AOAH: variants seen among roughly 807,000 people sequenced by gnomAD.
AOAH encodes acyloxyacyl hydrolase.
In AOAH, 64 loss-of-function variants were observed where a neutral mutation model predicts 92.2. The observed-to-expected ratio is 0.69, with a 90% CI of 0.57 to 0.86. The LOEUF is 0.86. Ranked by LOEUF, AOAH falls within the 40% of genes least tolerant of loss-of-function variation. AOAH has a pLI of 0.00. For missense variants in AOAH, 656 were observed against 694.6 expected (o/e 0.94, Z 0.62); for synonymous variants, 263 against 254.5 (o/e 1.03, Z -0.32).
chr7:36,639,466 G>A (rs914382291), intron 4 of AOAH, among the ~76,000 whole-genome samples: 1 of 152,132 alleles, frequency 6.6e-6, no homozygotes, highest in Non-Finnish European at 1.5e-5. Context: ...AGTCCTTGAG[G>A]CATAGTAGGT....
At chr7:36,621,329 G>A (rs1232586667) in intron 8 of AOAH, among the ~76,000 whole-genome samples, 1 of 152,192 alleles carries the variant, frequency 6.6e-6, no homozygotes. Flanking sequence ...ACTCCCGGAG[G>A]GAGAGGCCAC....
At position 36,569,523 on chromosome 7, in the gene AOAH, T is replaced by A. The variant is rs187578060; in HGVS notation, c.1021+7051A>T. Among the ~76,000 whole-genome samples the A allele has an allele frequency of 4.1e-3, 621 of 150,922 alleles. 5 individuals are homozygous for A. Among genetic ancestry groups the A allele is most frequent in the African/African-American group, 0.015 (593 of 40,732 alleles). On this transcript the variant is annotated intron_variant, in intron 13 of 20. Transcript: ENST00000617537. ...TATCTATCTATCTATCTGTCTATCT[T>A]TCTACCAGATTTACATATATATATA...
At chr7:36,653,410 C>A (rs1794699072) in intron 4 of AOAH, among the ~76,000 whole-genome samples, 1 of 152,092 alleles carries the variant, frequency 6.6e-6, no homozygotes, top group Non-Finnish European at 1.5e-5. Flanking sequence ...ATTGCTTAGG[C>A]GAAACATAAT....
At chr7:36,550,445 C>G (rs947706163) in intron 13 of AOAH, among the ~76,000 whole-genome samples, 2 of 152,048 alleles carry the variant, frequency 1.3e-5, no homozygotes, top group Non-Finnish European at 2.9e-5. Context: ...AGCTGTGGTA[C>G]AATTGTGTGA....
At chr7:36,709,773 T>C (rs1227975804) in intron 1 of AOAH, among the ~76,000 whole-genome samples, 2 of 152,294 alleles carry the variant, frequency 1.3e-5, no homozygotes, top group African/African-American at 4.8e-5. Flanking sequence ...AGGTATGACA[T>C]TGGAGTGATT....
chr7:36,622,579 G>T (rs984273635), intron 7 of AOAH, among the ~76,000 whole-genome samples: 1 of 149,868 alleles, frequency 6.7e-6, no homozygotes, highest in Non-Finnish European at 1.5e-5. Context: ...ACACACACAC[G>T]TTAAAAAGTA....
At chr7:36,561,356 A>T (rs115085386) in intron 13 of AOAH, among the ~76,000 whole-genome samples, 1,775 of 152,136 alleles carry the variant, frequency 0.012, 20 homozygotes, top group Middle Eastern at 0.041. Context: ...ATTTTAAGAG[A>T]TTAGTGAAAA....
intron 1 of AOAH, among the ~76,000 whole-genome samples, chr7:36,705,007 G>A (rs1798299744): frequency 2.6e-5 from 4 of 152,054 alleles, no homozygotes; most frequent in Admixed American, 2.6e-4. Context: ...AATAATAAGA[G>A]CTATTTATGA....
At chr7:36,527,699 A>G (rs1784475328) in intron 19 of AOAH, among the ~76,000 whole-genome samples, 1 of 152,224 alleles carries the variant, frequency 6.6e-6, no homozygotes, top group Non-Finnish European at 1.5e-5. Context: ...AAGGAAACAA[A>G]GGCTGGGTGG....
chr7:36,527,486 C>T (rs948804160), intron 19 of AOAH, among the ~76,000 whole-genome samples: 2 of 151,918 alleles, frequency 1.3e-5, no homozygotes, highest in African/African-American at 4.8e-5. Flanking sequence ...TCTACCATAC[C>T]TTCCTCGAAG....
At chr7:36,648,943 C>T (rs185594966) in intron 4 of AOAH, among the ~76,000 whole-genome samples, 17 of 152,234 alleles carry the variant, frequency 1.1e-4, no homozygotes, top group Admixed American at 9.8e-4. Context: ...GTCAATTATA[C>T]AACGTTACAA....
intron 4 of AOAH, among the ~76,000 whole-genome samples, chr7:36,644,928 T>TGGGGGAGGGGGGGGGGGGGGGGGGGG (rs1794135298): frequency 3.1e-5 from 1 of 32,762 alleles, no homozygotes; most frequent in Admixed American, 3.2e-4. Context: ...GAGGTGGGGG[T>TGGGGGAGGGGGGGGGGGGGGGGGGGG]GGGGGAGACT....
chr7:36,706,937 C>A (rs1318801037), intron 1 of AOAH, among the ~76,000 whole-genome samples: 1 of 152,064 alleles, frequency 6.6e-6, no homozygotes, highest in East Asian at 1.9e-4. Context: ...CTATCTAGAC[C>A]ATGAAAAGTT....
rs1785352722 is a variant in AOAH, at chr7:36,540,490, T to C, written c.1135A>G (p.Lys379Glu). Residue 379 changes from lysine to glutamate, a missense_variant and splice_region_variant, in exon 16 of 21, where the codon AAG (lysine) becomes GAG (glutamate). Physicochemically the swap from Lys to Glu is moderately conservative, Grantham distance 56. Transcript: ENST00000617537. ...GTCATGGCTGGGACTGGGTCACTCT[T>C]CCTGTTGGTGGAATAAACAGAAAAT... ...AMIGNDVCSG[K>E]SDPVPAMTTP... 6.2e-7 allele frequency: 1 copy of C among 1,603,218 alleles called. No homozygotes were observed. Among genetic ancestry groups the C allele is most frequent in the African/African-American group, 1.3e-5 (1 of 74,400 alleles).
chr7:36,710,427 G>C (rs1326151534), intron 1 of AOAH, among the ~76,000 whole-genome samples: 1 of 152,170 alleles, frequency 6.6e-6, no homozygotes. Flanking sequence ...AGTTCAGTCC[G>C]GCAACTGCAA....
intron 1 of AOAH, among the ~76,000 whole-genome samples, chr7:36,708,502 G>A (rs1056806165): frequency 6.6e-6 from 1 of 151,862 alleles, no homozygotes; most frequent in African/African-American, 2.4e-5. Context: ...TAATTCTGTG[G>A]ATATCCCCAT....
intron 11 of AOAH, among the ~76,000 whole-genome samples, chr7:36,615,745 T>C (rs540140599): frequency 4.1e-4 from 63 of 152,344 alleles, no homozygotes; most frequent in African/African-American, 1.4e-3. Flanking sequence ...CATATTTAGG[T>C]GTCATTCATC....
In AOAH at chr7:36,528,622, G is replaced by C. The variant is rs184111324; in HGVS notation, c.1522+1796C>G. ...TTATTTTTATTTTTATAGAGATGAGGTCTCTCTCTGTCAACCAGGCTGGAG... is the reference window on the plus strand; with the variant it reads ...TTATTTTTATTTTTATAGAGATGAGCTCTCTCTCTGTCAACCAGGCTGGAG... On this transcript the variant is annotated intron_variant, in intron 19 of 20. Coordinates refer to ENST00000617537, the MANE Select transcript of AOAH (RefSeq NM_001637.4). Among the ~76,000 whole-genome samples the C allele has an allele frequency of 9.9e-3, 1,499 of 152,180 alleles. 12 individuals carry two copies. The highest frequency in any genetic ancestry group is 0.017 in the Non-Finnish European group (1,129 of 68,008).
At chr7:36,582,457 T>C (rs1788997287) in intron 12 of AOAH, among the ~76,000 whole-genome samples, 1 of 152,160 alleles carries the variant, frequency 6.6e-6, no homozygotes, top group Admixed American at 6.5e-5. Context: ...AACACACTGA[T>C]TGGGTTTTGA....
Sources: allele counts gnomAD v4.1 joint callset (sites outside exome capture counted in the v4.1 genomes callset), GRCh38; gene constraint gnomAD v4.1.1; transcripts MANE v1.5; gene names NCBI Gene and HGNC (gene_info 2026-07-23, HGNC 2026-07-21).